The following MYOM2 variants were observed in gnomAD, a reference collection of about 807,000 sequenced individuals.
MYOM2 encodes the protein myomesin-2.
A neutral mutation model predicts 187.6 loss-of-function variants in MYOM2; 254 were observed. The observed-to-expected ratio is 1.35, with a 90% confidence interval of 1.22 to 1.50. The LOEUF is 1.50. Among genes scored for constraint, MYOM2 ranks in the 40% most tolerant of loss-of-function variants. MYOM2 has a pLI of 0.00. For missense variants in MYOM2, 2,796 were observed against 1,924.0 expected (o/e 1.45, Z -8.48); for synonymous variants, 981 against 753.8 (o/e 1.30, Z -4.94).
intron 1 of MYOM2, among the ~76,000 whole-genome samples, chr8:2,049,576 G>C (rs541545333): frequency 6.6e-6 from 1 of 152,184 alleles, no homozygotes; most frequent in Non-Finnish European, 1.5e-5. Context: ...CCCGGGATGT[G>C]GGTGGCACCC....
At chr8:2,062,321 CA>C (rs1453216030) in intron 6 of MYOM2, among the ~76,000 whole-genome samples, 1 of 152,206 alleles carries the variant, frequency 6.6e-6, no homozygotes, top group East Asian at 1.9e-4. Flanking sequence ...TGACTGCAGA[CA>C]GGCTGCAGGG....
At position 2,072,402 on chromosome 8, in the gene MYOM2, T is replaced by C; in HGVS notation, c.851T>C (p.Phe284Ser). 3 of 1,614,076 alleles carry C rather than the reference T, an allele frequency of 1.9e-6. No homozygotes were observed. The highest frequency in any genetic ancestry group is 2.2e-5 in the South Asian group (2 of 91,076). The change falls in exon 9 of 37, where the codon TTT becomes TCT. Residue 284 changes from phenylalanine (F) to serine (S), a missense_variant. By Grantham distance (155) the Phe-to-Ser change is radical. Coordinates refer to ENST00000262113, the MANE Select transcript of MYOM2 (RefSeq NM_003970.4). ...THFDVQFLEK[F>S]GVTFRREGET... ...TTCGACGTCCAGTTTTTGGAGAAGTTTGGGGTCACCTTCAGGAGGGAAGGC... is the reference window on the plus strand; with the variant it reads ...TTCGACGTCCAGTTTTTGGAGAAGTCTGGGGTCACCTTCAGGAGGGAAGGC...
chr8:2,120,003 T>TG (rs985348044), intron 28 of MYOM2, among the ~76,000 whole-genome samples: 1 of 151,776 alleles, frequency 6.6e-6, no homozygotes, highest in African/African-American at 2.4e-5. Flanking sequence ...TAGCCCACAG[T>TG]GGGGGGAGTG....
intron 25 of MYOM2, among the ~76,000 whole-genome samples, chr8:2,113,144 G>T (rs555064234): frequency 6.6e-6 from 1 of 152,338 alleles, no homozygotes; most frequent in African/African-American, 2.4e-5. Context: ...GCCGAGGCCG[G>T]GCATCCACAC....
chr8:2,141,195 A>C lies in MYOM2; in HGVS notation c.4001+18A>C. 6.2e-7 allele frequency: 1 copy of C among 1,610,764 alleles called. No individual in the cohort carries two copies. Among genetic ancestry groups the C allele is most frequent in the South Asian group, 1.1e-5 (1 of 90,674 alleles). On this transcript the variant is annotated intron_variant, in intron 34 of 36. Coordinates refer to ENST00000262113, the MANE Select transcript of MYOM2 (RefSeq NM_003970.4). ...CAATTCAAGTAAGATTTGTGTATTT[A>C]GTTACTATGATATCCTGTGGGCAGT...
Position 2,052,192 on chromosome 8 carries a change from T to G in MYOM2, c.142T>G (p.Leu48Val). Reference protein sequence around the residue: ...ASTQASSQKSLSQRSSSQRAS... With the variant: ...ASTQASSQKSVSQRSSSQRAS... ...CACCCAGGCATCTTCCCAGAAGTCC[T>G]TGAGTCAGCGGTCGTCTTCACAGAG... is the stretch of plus-strand genomic sequence containing the variant. Residue 48 changes from leucine (L) to valine (V), a missense_variant, in exon 3 of 37, where the codon TTG (leucine) becomes GTG (valine). Transcript: ENST00000262113. 6.2e-7 allele frequency: 1 copy of G among 1,613,488 alleles called. No individual in the cohort carries two copies. Among genetic ancestry groups the G allele is most frequent in the Non-Finnish European group, 8.5e-7 (1 of 1,179,782 alleles).
At chr8:2,144,528 A>G (rs909351170) in intron 36 of MYOM2, 136 bp from the exon 37 acceptor site, 10 of 890,718 alleles carry the variant, frequency 1.1e-5, no homozygotes, top group African/African-American at 6.8e-5. Context: ...TCATGTACAT[A>G]AAGGCTTGTT....
At position 2,144,967 on chromosome 8, in the gene MYOM2, G is replaced by T. The variant is rs1798412245; in HGVS notation, c.4384G>T (p.Ala1462Ser). 6.2e-7 allele frequency: 1 copy of T among 1,613,930 alleles called. No homozygotes were observed. Among genetic ancestry groups the T allele is most frequent in the Non-Finnish European group, 8.5e-7 (1 of 1,180,008 alleles). ...CAAGCTCATCCCCGCGTCTGCCTCA[G>T]CGGCAGGCCAGTGAAGGCGTTTTCC... is the stretch of plus-strand genomic sequence containing the variant. Reference protein sequence around the residue: ...KPKLIPASASAAGQ With the variant: ...KPKLIPASASSAGQ Residue 1462 changes from alanine to serine, a missense_variant, in exon 37 of 37, where the codon GCG becomes TCG. Coordinates refer to ENST00000262113, the MANE Select transcript of MYOM2 (RefSeq NM_003970.4).
intron 32 of MYOM2, among the ~76,000 whole-genome samples, 163 bp downstream of exon 32, chr8:2,129,395 C>A (rs1003963209): frequency 4.6e-5 from 7 of 152,134 alleles, no homozygotes; most frequent in African/African-American, 7.2e-5. Context: ...GGGAAGGGGG[C>A]CCTCACGGCA....
intron 33 of MYOM2, 73 bp downstream of exon 33, chr8:2,140,959 A>G (rs1383942338): frequency 4.1e-6 from 6 of 1,463,876 alleles, no homozygotes; most frequent in Non-Finnish European, 5.6e-6. Context: ...GGGAGGGAAT[A>G]CAATATGAAT....
intron 25 of MYOM2, among the ~76,000 whole-genome samples, chr8:2,112,151 C>A (rs1208162172): frequency 2.0e-5 from 3 of 152,134 alleles, no homozygotes; most frequent in African/African-American, 7.2e-5. Flanking sequence ...GGCCAATACA[C>A]CAGCAGGGAC....
intron 32 of MYOM2, among the ~76,000 whole-genome samples, chr8:2,136,698 G>T (rs73657773): frequency 0.13 from 19,448 of 152,076 alleles, 2,152 homozygotes; most frequent in African/African-American, 0.28. Flanking sequence ...GGAGGCCGGT[G>T]GGACACATTT....
At chr8:2,116,308 C>T (rs910940263) in intron 27 of MYOM2, 33 bp downstream of exon 27, 1 of 1,589,936 alleles carries the variant, frequency 6.3e-7, no homozygotes, top group Non-Finnish European at 8.6e-7. Flanking sequence ...GCTCCCCTGC[C>T]CCTAGCATAA....
chr8:2,069,044 T>A (rs934370031), intron 6 of MYOM2, among the ~76,000 whole-genome samples: 1 of 152,238 alleles, frequency 6.6e-6, no homozygotes, highest in Non-Finnish European at 1.5e-5. Flanking sequence ...TTTTTATTCT[T>A]AAGGCCGAAA....
rs117600698 is a variant in MYOM2 at position 2,143,182 on chromosome 8, A to C, written c.4025-219A>C. ...ATTTCCTCTGGAGTGTTTCTCCCCC[A>C]ACCCCTTCACAGAGTCTGTTATCTC... is the stretch of plus-strand genomic sequence containing the variant. On this transcript the variant is annotated intron_variant, in intron 35 of 36. Coordinates refer to ENST00000262113, the MANE Select transcript of MYOM2 (RefSeq NM_003970.4). 4.7e-3 allele frequency among the ~76,000 whole-genome samples: 716 copies of C among 152,104 alleles called. 14 individuals are homozygous for C. Among genetic ancestry groups the C allele is most frequent in the East Asian group, 0.046 (234 of 5,140 alleles).
chr8:2,076,315 C>G, intron 11 of MYOM2, 33 bp downstream of exon 11: 1 of 1,607,834 alleles, frequency 6.2e-7, no homozygotes, highest in Non-Finnish European at 8.5e-7. Context: ...GGGATGGGAA[C>G]GTTCCGCATG....
At chr8:2,094,402 G>A (rs1332056329) in intron 17 of MYOM2, among the ~76,000 whole-genome samples, 7 of 152,274 alleles carry the variant, frequency 4.6e-5, no homozygotes, top group East Asian at 1.9e-4. Context: ...GCCTGTAATC[G>A]CAGCACTTTT....
chr8:2,109,438 G>C lies in MYOM2; in HGVS notation c.3087G>C (p.Lys1029Asn), dbSNP rs199799785. Residue 1029 changes from lysine to asparagine, a missense_variant, in exon 25 of 37, where the codon AAG (lysine) becomes AAC (asparagine). Physicochemically the swap from Lys to Asn is moderately conservative, Grantham distance 94. Transcript: ENST00000262113. The part of the protein sequence containing the change: ...KSELAYEIFD[K>N]GRVRFWLQAE... ...AATTAGCTTATGAGATTTTTGATAA[G>C]GGGCGGGTTCGCTTCTGGCTCCAGG... 129 of 1,611,052 alleles carry C rather than the reference G, an allele frequency of 8.0e-5. No homozygotes were observed. The highest frequency in any genetic ancestry group is 1.0e-4 in the Non-Finnish European group (123 of 1,178,890).
At position 2,078,893 on chromosome 8, in the gene MYOM2, G is replaced by A. The variant is rs748627250; in HGVS notation, c.1422G>A (p.Ala474=). 8.1e-6 allele frequency: 13 copies of A among 1,613,978 alleles called. No homozygotes were observed. In the Admixed American group the frequency reaches 1.2e-4, roughly 14 times the overall value. The part of the protein sequence containing the change: ...GISRPSRVSD[A]VAALDPLDLR... ...GCCGACCCTCCAGGGTCTCTGATGCGGTGGCTGCACTTGACCCCTTGGACC... is the reference window on the plus strand; with the variant it reads ...GCCGACCCTCCAGGGTCTCTGATGCAGTGGCTGCACTTGACCCCTTGGACC... Residue 474 remains alanine, a synonymous_variant, in exon 12 of 37, where the codon GCG becomes GCA. Coordinates refer to ENST00000262113, the MANE Select transcript of MYOM2 (RefSeq NM_003970.4).
Sources: allele counts gnomAD v4.1 joint callset (sites outside exome capture counted in the v4.1 genomes callset), GRCh38; gene constraint gnomAD v4.1.1; transcripts MANE v1.5; gene names NCBI Gene and HGNC (gene_info 2026-07-23, HGNC 2026-07-21).